The following BMP5 variants were observed in gnomAD, a reference collection of about 807,000 sequenced individuals.
BMP5 encodes the protein bone morphogenetic protein 5.
A neutral mutation model predicts 46.6 loss-of-function variants in BMP5; 23 were observed. The ratio of observed to expected loss-of-function variants is 0.49; its 90% CI spans 0.35 to 0.70. The LOEUF (loss-of-function observed/expected upper bound fraction) is 0.70. BMP5 is among the 30% of genes least tolerant of loss of function. The probability of loss-of-function intolerance (pLI) is 0.00; values close to 1 mark genes in which losing one functional copy is unlikely to be tolerated. For synonymous variants in BMP5, 204 were observed against 191.9 expected (o/e 1.06, Z -0.52); for missense variants, 545 against 565.6 (o/e 0.96, Z 0.37).
chr6:55,867,828 C>A (rs562580134), intron 1 of BMP5, among the ~76,000 whole-genome samples: 4 of 152,258 alleles, frequency 2.6e-5, no homozygotes, highest in African/African-American at 9.6e-5. Context: ...CAACCAGACG[C>A]ACAAATAATT....
At chr6:55,810,029 C>T (rs1019037804) in intron 2 of BMP5, among the ~76,000 whole-genome samples, 89 of 151,970 alleles carry the variant, frequency 5.9e-4, no homozygotes, top group African/African-American at 1.9e-3. Context: ...GTCATAAATA[C>T]CATCATATTA....
chr6:55,812,426 C>T (rs753574081), intron 2 of BMP5, among the ~76,000 whole-genome samples: 1 of 152,140 alleles, frequency 6.6e-6, no homozygotes, highest in Non-Finnish European at 1.5e-5. Context: ...TTGCATAACA[C>T]TGTCAAATAA....
chr6:55,759,142 CACAAAAAAAAAAAAAAAAAAA>C (rs1774692226), intron 5 of BMP5, 27 bp from the exon 6 acceptor site: 7 of 119,568 alleles, frequency 5.9e-5, no homozygotes, highest in East Asian at 1.5e-4. Flanking sequence ...CACACACACA[CACAAAAAAAAAAAAAAAAAAA>C]AAAAAAAAAA....
At chr6:55,847,635 A>G (rs985444624) in intron 1 of BMP5, among the ~76,000 whole-genome samples, 2 of 151,944 alleles carry the variant, frequency 1.3e-5, no homozygotes, top group African/African-American at 4.8e-5. Flanking sequence ...GTATATAAAA[A>G]TGCAATAATT....
intron 2 of BMP5, among the ~76,000 whole-genome samples, chr6:55,812,981 G>C (rs537431898): frequency 2.6e-5 from 4 of 152,012 alleles, no homozygotes; most frequent in Non-Finnish European, 5.9e-5. Flanking sequence ...TCTTCTCAGA[G>C]AATTCTCAGA....
intron 1 of BMP5, among the ~76,000 whole-genome samples, chr6:55,831,608 T>C (rs770695249): frequency 6.6e-6 from 1 of 150,460 alleles, no homozygotes; most frequent in Non-Finnish European, 1.5e-5. Context: ...AAGAGAGCAA[T>C]TAGAAGTGGA....
chr6:55,874,888 A>G lies in BMP5; in HGVS notation c.-23T>C, dbSNP rs377197658. 3 of 1,610,288 alleles carry G rather than the reference A, an allele frequency of 1.9e-6. No homozygotes were observed. Among genetic ancestry groups the G allele is most frequent in the African/African-American group, 1.3e-5 (1 of 74,552 alleles). On this transcript the variant is annotated 5_prime_UTR_variant, in exon 1 of 7. Transcript: ENST00000370830. ...CATTTTTGTCCAAAAGCAAAAGTTG[A>G]TATTTTTAGTCCTTCTTGTCCTCTT... is the stretch of plus-strand genomic sequence containing the variant.
At chr6:55,812,552 T>C (rs1212749140) in intron 2 of BMP5, among the ~76,000 whole-genome samples, 1 of 152,200 alleles carries the variant, frequency 6.6e-6, no homozygotes, top group African/African-American at 2.4e-5. Flanking sequence ...CTAGGCAGTA[T>C]CTTAGGGAAA....
chr6:55,853,147 TAAAATAAAATAAAATAAAATAAA>T lies in BMP5; in HGVS notation c.490+21206_490+21228del, dbSNP rs1160419149. Among the ~76,000 whole-genome samples the T allele has an allele frequency of 2.3e-4, 3 of 13,114 alleles. No homozygotes were observed. In the African/African-American group the frequency reaches 2.7e-3, roughly 12 times the overall value. 8.6% of individuals were successfully genotyped at this position (13,114 alleles called of 152,430 possible). On this transcript the variant is annotated intron_variant, in intron 1 of 6. Transcript: ENST00000370830. ...CTACATCTCAAATACATAAATAAAA[TAAAATAAAATAAAATAAAATAAA>T]ATAAAATAAAATAAAATAAAATAAA... is the stretch of plus-strand genomic sequence containing the variant.
rs571076777 is a variant in BMP5, at chr6:55,757,286, G to T, written c.1216-1604C>A. On this transcript the variant is annotated intron_variant, in intron 6 of 6. Coordinates refer to ENST00000370830, the MANE Select transcript of BMP5 (RefSeq NM_021073.4). ...TCCATATCTAAGGAAGCAAAAGTCT[G>T]CTTTCATAGTCATCAAAATGATGAT... Among the ~76,000 whole-genome samples, 9 of 151,980 alleles carry T rather than the reference G, an allele frequency of 5.9e-5. No homozygotes were observed. The East Asian group carries it at 1.4e-3, about 23-fold the overall frequency.
intron 4 of BMP5, among the ~76,000 whole-genome samples, chr6:55,763,386 T>C (rs532724706): frequency 1.0e-3 from 156 of 152,292 alleles, no homozygotes; most frequent in African/African-American, 3.3e-3. Flanking sequence ...ATGAAATGTA[T>C]AACAGAATCT....
At chr6:55,831,402 G>A (rs1373890569) in intron 1 of BMP5, among the ~76,000 whole-genome samples, 1 of 151,944 alleles carries the variant, frequency 6.6e-6, no homozygotes, top group Non-Finnish European at 1.5e-5. Context: ...TTAAGGAAAG[G>A]AACTTGGAGG....
At chr6:55,834,972 G>A (rs972866292) in intron 1 of BMP5, among the ~76,000 whole-genome samples, 2 of 152,200 alleles carry the variant, frequency 1.3e-5, no homozygotes, top group African/African-American at 2.4e-5. Context: ...TATAATCCCA[G>A]CTAGTCAGGA....
intron 2 of BMP5, among the ~76,000 whole-genome samples, chr6:55,801,274 A>G (rs923426522): frequency 6.6e-6 from 1 of 152,200 alleles, no homozygotes; most frequent in Admixed American, 6.5e-5. Context: ...CAACTTAGAC[A>G]TATTGTGGAG....
In BMP5 at chr6:55,833,509, C is replaced by A. The variant is rs369685809; in HGVS notation, c.491-13662G>T. Reference sequence around the variant, plus strand: ...TTCTTTTTCGGCTTTTGAAGGAAACCAGCAAAACTTAAAATAACTCTAGGA... The same window carrying A: ...TTCTTTTTCGGCTTTTGAAGGAAACAAGCAAAACTTAAAATAACTCTAGGA... On this transcript the variant is annotated intron_variant, in intron 1 of 6. Transcript: ENST00000370830. 9.2e-4 allele frequency among the ~76,000 whole-genome samples: 140 copies of A among 152,186 alleles called. 4 individuals carry two copies. The South Asian group carries it at 0.028, about 30-fold the overall frequency.
intron 4 of BMP5, among the ~76,000 whole-genome samples, chr6:55,761,099 A>G (rs1203718562): frequency 6.6e-6 from 1 of 152,068 alleles, no homozygotes; most frequent in Non-Finnish European, 1.5e-5. Flanking sequence ...GTTAAAAAAT[A>G]AAAACCAAAA....
At chr6:55,841,916 C>CAG (rs143400522) in intron 1 of BMP5, among the ~76,000 whole-genome samples, 4,237 of 146,718 alleles carry the variant, frequency 0.029, 187 homozygotes, top group African/African-American at 0.092. Context: ...GAGAGAGAGA[C>CAG]AGAGAGAGAG....
At chr6:55,821,641 A>T (rs1052130993) in intron 1 of BMP5, among the ~76,000 whole-genome samples, 6 of 152,114 alleles carry the variant, frequency 3.9e-5, no homozygotes, top group Non-Finnish European at 8.8e-5. Flanking sequence ...TTATTAATCA[A>T]TTTTTCCTAA....
intron 3 of BMP5, among the ~76,000 whole-genome samples, chr6:55,781,229 A>C (rs746355942): frequency 2.0e-5 from 3 of 152,260 alleles, no homozygotes; most frequent in Admixed American, 6.5e-5. Flanking sequence ...CATTCTTTTC[A>C]CAAAATCATG....
Sources: gnomAD v4.1 joint callset for allele counts (sites outside exome capture counted in the v4.1 genomes callset) on GRCh38, gnomAD v4.1.1 for gene constraint, MANE v1.5 for transcripts, NCBI Gene and HGNC (gene_info 2026-07-23, HGNC 2026-07-21) for gene names.